Variants in RORA observed in about 807,000 individuals in gnomAD.
The protein encoded by RORA is RAR related orphan receptor A.
Under a neutral mutation model 69.5 loss-of-function variants are expected in RORA, and 7 were observed. The observed-to-expected ratio is 0.10, with a 90% CI of 0.06 to 0.19. RORA has a LOEUF of 0.19. RORA is among the 10% of genes least tolerant of loss of function. RORA has a pLI of 1.00. For synonymous variants in RORA, 261 were observed against 240.8 expected (o/e 1.08, Z -0.78); for missense variants, 457 against 663.0 (o/e 0.69, Z 3.41).
intron 2 of RORA, among the ~76,000 whole-genome samples, chr15:60,628,877 G>A (rs1169898744): frequency 6.6e-6 from 1 of 152,192 alleles, no homozygotes; most frequent in Non-Finnish European, 1.5e-5. Flanking sequence ...GAATGAGCAG[G>A]TGAAGTCAGC....
At chr15:60,944,620 G>T (rs1202078384) in intron 1 of RORA, among the ~76,000 whole-genome samples, 2 of 151,262 alleles carry the variant, frequency 1.3e-5, no homozygotes, top group East Asian at 1.9e-4. Context: ...AGCTACTTAG[G>T]AGGCTGAGGT....
intron 1 of RORA, among the ~76,000 whole-genome samples, chr15:61,182,127 T>C (rs2079692656): frequency 6.6e-6 from 1 of 152,196 alleles, no homozygotes; most frequent in African/African-American, 2.4e-5. Context: ...TCAGTTTTCC[T>C]TATTAGAGGT....
intron 2 of RORA, among the ~76,000 whole-genome samples, chr15:60,665,891 T>C (rs2070372760): frequency 6.6e-6 from 1 of 152,132 alleles, no homozygotes; most frequent in Admixed American, 6.6e-5. Context: ...GCCGGGCTGG[T>C]CTCGAACTCC....
chr15:60,950,184 A>C (rs1016997016), intron 1 of RORA, among the ~76,000 whole-genome samples: 1 of 151,736 alleles, frequency 6.6e-6, no homozygotes, highest in African/African-American at 2.4e-5. Flanking sequence ...TATCCAGCCA[A>C]ACTAAGCTTC....
chr15:61,025,037 C>T (rs1895730903), intron 1 of RORA, among the ~76,000 whole-genome samples: 1 of 152,108 alleles, frequency 6.6e-6, no homozygotes, highest in Non-Finnish European at 1.5e-5. Flanking sequence ...CCAAGGTTTT[C>T]GGTGTTTAAG....
intron 2 of RORA, among the ~76,000 whole-genome samples, chr15:60,644,822 G>C (rs1017518025): frequency 6.6e-6 from 1 of 152,154 alleles, no homozygotes; most frequent in Non-Finnish European, 1.5e-5. Flanking sequence ...AGTATTTAGG[G>C]AGCCTGATTT....
At chr15:60,815,940 G>GTATA (rs2072805014) in intron 1 of RORA, among the ~76,000 whole-genome samples, 1 of 126,946 alleles carries the variant, frequency 7.9e-6, no homozygotes, top group African/African-American at 3.1e-5. Flanking sequence ...ACTATAAATA[G>GTATA]TGTATATATA....
intron 1 of RORA, among the ~76,000 whole-genome samples, chr15:60,799,738 A>C (rs1308282295): frequency 6.6e-6 from 1 of 152,094 alleles, no homozygotes; most frequent in Non-Finnish European, 1.5e-5. Flanking sequence ...CTGCAATCTG[A>C]TGTTCTTCTA....
At chr15:60,798,644 G>T (rs1051877418) in intron 1 of RORA, among the ~76,000 whole-genome samples, 1 of 151,970 alleles carries the variant, frequency 6.6e-6, no homozygotes, top group Non-Finnish European at 1.5e-5. Context: ...TGGAGCCATG[G>T]GAAGTGCCAG....
intron 1 of RORA, among the ~76,000 whole-genome samples, chr15:61,002,705 C>T (rs751700935): frequency 5.3e-5 from 8 of 152,188 alleles, no homozygotes; most frequent in South Asian, 2.1e-4. Context: ...GTTTAAACTC[C>T]GCAAAGTGAG....
chr15:61,179,407 C>A (rs974317563), intron 1 of RORA, among the ~76,000 whole-genome samples: 2 of 152,112 alleles, frequency 1.3e-5, no homozygotes, highest in Non-Finnish European at 2.9e-5. Flanking sequence ...AAAAAGAATG[C>A]CACTCTTCTA....
intron 1 of RORA, among the ~76,000 whole-genome samples, chr15:60,846,339 A>C (rs2073265186): frequency 6.6e-6 from 1 of 152,180 alleles, no homozygotes; most frequent in Non-Finnish European, 1.5e-5. Context: ...AATATTTATT[A>C]ATCAGCTGAT....
intron 2 of RORA, among the ~76,000 whole-genome samples, chr15:60,591,735 C>T (rs2068519592): frequency 6.6e-6 from 1 of 152,144 alleles, no homozygotes; most frequent in Non-Finnish European, 1.5e-5. Context: ...CCCAGAGCGT[C>T]TTGGCACGCT....
rs537846278 is a variant in RORA at position 61,049,840 on chromosome 15, T to C, written c.166+179213A>G. ...ACACCCGGCTAATTTTTCATATTTTTAGTAGAAACGAGGTTTCACTGTGTT... is the reference window on the plus strand; with the variant it reads ...ACACCCGGCTAATTTTTCATATTTTCAGTAGAAACGAGGTTTCACTGTGTT... On this transcript the variant is annotated intron_variant, in intron 1 of 10. Coordinates refer to ENST00000335670, the MANE Select transcript of RORA (RefSeq NM_134261.3). 2.6e-5 allele frequency among the ~76,000 whole-genome samples: 4 copies of C among 152,126 alleles called. 1 individual carries two copies. In the South Asian group the frequency reaches 8.3e-4, roughly 32 times the overall value.
At chr15:60,708,468 G>A (rs1596144026) in intron 1 of RORA, among the ~76,000 whole-genome samples, 3 of 151,992 alleles carry the variant, frequency 2.0e-5, no homozygotes, top group South Asian at 4.2e-4. Context: ...CATCCAAGTG[G>A]CATTCAACTC....
intron 1 of RORA, among the ~76,000 whole-genome samples, chr15:61,135,347 A>T (rs1243710207): frequency 1.3e-5 from 2 of 151,696 alleles, no homozygotes; most frequent in Admixed American, 6.6e-5. Context: ...ATAATAATAA[A>T]TAAATTTAAA....
intron 1 of RORA, among the ~76,000 whole-genome samples, chr15:60,924,609 G>A (rs184420345): frequency 7.6e-4 from 115 of 152,170 alleles, no homozygotes; most frequent in African/African-American, 2.8e-3. Context: ...TCTATCCTCA[G>A]ATTCCTCATT....
chr15:61,043,457 G>A lies in RORA; in HGVS notation c.166+185596C>T, dbSNP rs1896878236. On this transcript the variant is annotated intron_variant, in intron 1 of 10. Coordinates refer to ENST00000335670, the MANE Select transcript of RORA (RefSeq NM_134261.3). ...AAGGTTAAAAACATAACCAAGAAGT[G>A]CTACATAAATGTTTTCTACTGTCAC... Among the ~76,000 whole-genome samples the A allele has an allele frequency of 4.6e-5, 7 of 152,170 alleles. No individual in the cohort carries two copies. The South Asian group carries it at 1.4e-3, about 31-fold the overall frequency.
Position 60,626,740 on chromosome 15 carries a change from C to T in RORA, c.196+51917G>A, listed in dbSNP as rs574496816. 7.9e-5 allele frequency among the ~76,000 whole-genome samples: 12 copies of T among 152,288 alleles called. 1 individual carries two copies. In the South Asian group the frequency reaches 1.9e-3, roughly 24 times the overall value. ...TCTGCTGCTCTCTTGCTGTCCCTCT[C>T]GTGGGCAGAACAGTTTCTCTGCCTT... On this transcript the variant is annotated intron_variant, in intron 2 of 10. Transcript: ENST00000335670.
Sources: allele counts gnomAD v4.1 joint callset (sites outside exome capture counted in the v4.1 genomes callset), GRCh38; gene constraint gnomAD v4.1.1; transcripts MANE v1.5; gene names NCBI Gene and HGNC (gene_info 2026-07-23, HGNC 2026-07-21).